STK31: variants seen among roughly 807,000 people sequenced by gnomAD.
The protein encoded by STK31 is serine/threonine kinase 31, also known as serine/threonine-protein kinase 31.
A neutral mutation model predicts 129.7 loss-of-function variants in STK31; 89 were observed. The ratio of observed to expected loss-of-function variants is 0.69; its 90% CI spans 0.58 to 0.82. The LOEUF is 0.82. STK31 is among the 40% of genes least tolerant of loss of function. The probability of loss-of-function intolerance (pLI) is 0.00; values close to 1 mark genes in which losing one functional copy is unlikely to be tolerated. For missense variants in STK31, 1,187 were observed against 1,176.4 expected (o/e 1.01, Z -0.13); for synonymous variants, 448 against 395.3 (o/e 1.13, Z -1.58).
intron 6 of STK31, among the ~76,000 whole-genome samples, 181 bp from the exon 7 acceptor site, chr7:23,735,357 A>G (rs960930817): frequency 2.6e-5 from 4 of 152,226 alleles, no homozygotes; most frequent in Non-Finnish European, 4.4e-5. Context: ...TGATTTTAGC[A>G]AGTGTGTAAT....
At chr7:23,725,372 CAAAA>C (rs57280021) in intron 4 of STK31, among the ~76,000 whole-genome samples, 1 of 57,760 alleles carries the variant, frequency 1.7e-5, no homozygotes, top group Non-Finnish European at 2.9e-5. Context: ...CCTGTTTCTA[CAAAA>C]AAAAAAAAAA....
intron 20 of STK31, among the ~76,000 whole-genome samples, chr7:23,787,260 G>A (rs1791341325): frequency 6.6e-6 from 1 of 152,202 alleles, no homozygotes; most frequent in African/African-American, 2.4e-5. Flanking sequence ...AAGTGCTTAA[G>A]TGGCAGCTTT....
intron 23 of STK31, among the ~76,000 whole-genome samples, chr7:23,816,563 T>G (rs1163749902): frequency 2.6e-5 from 4 of 152,240 alleles, no homozygotes; most frequent in African/African-American, 9.6e-5. Context: ...CTCACATGTT[T>G]GTTCATAGGA....
chr7:23,832,359 A>T lies in STK31; in HGVS notation c.3053A>T (p.Asp1018Val), dbSNP rs1392195131. Residue 1018 changes from aspartate to valine, a missense_variant, in exon 24 of 24, where the codon GAT becomes GTT. Asp to Val is a radical substitution (Grantham distance 152, BLOSUM62 -3). Around this residue, in one of 5 missense-constraint regions of STK31, gnomAD observed 975 missense variants for 934.9 expected, o/e 1.04. Transcript: ENST00000355870. ...ACAAGAAATGGTGAAGCCAACTTTG[A>T]TTGTTAAATTATTATTGTTGTTGTT... ...EKTRNGEANF[D>V]C 6.2e-7 allele frequency: 1 copy of T among 1,606,432 alleles called. No individual in the cohort carries two copies. Among genetic ancestry groups the T allele is most frequent in the African/African-American group, 1.3e-5 (1 of 74,266 alleles).
At chr7:23,810,673 A>C (rs1375001951) in intron 22 of STK31, among the ~76,000 whole-genome samples, 3 of 131,814 alleles carry the variant, frequency 2.3e-5, no homozygotes, top group African/African-American at 8.7e-5. Flanking sequence ...TATATAATAT[A>C]TATAAAATAG....
intron 22 of STK31, among the ~76,000 whole-genome samples, chr7:23,810,183 C>G (rs771054235): frequency 2.2e-4 from 33 of 152,012 alleles, no homozygotes; most frequent in Non-Finnish European, 4.1e-4. Context: ...TTTCTTTGCT[C>G]TAATGTCTAC....
intron 23 of STK31, among the ~76,000 whole-genome samples, chr7:23,822,737 A>G (rs1181590033): frequency 1.3e-5 from 2 of 151,926 alleles, no homozygotes; most frequent in African/African-American, 4.8e-5. Context: ...GTATCTCCTA[A>G]TGCTGTCCCT....
At chr7:23,787,097 C>A (rs1037454705) in intron 20 of STK31, among the ~76,000 whole-genome samples, 173 bp downstream of exon 20, 7 of 152,060 alleles carry the variant, frequency 4.6e-5, no homozygotes, top group Non-Finnish European at 7.4e-5. Flanking sequence ...TGAGAAAAAG[C>A]GTTAAAGGGA....
intron 4 of STK31, among the ~76,000 whole-genome samples, chr7:23,718,535 C>A (rs570313353): frequency 6.6e-6 from 1 of 152,118 alleles, no homozygotes; most frequent in East Asian, 1.9e-4. Context: ...GAGGTATAAC[C>A]CTCATTTTGA....
intron 23 of STK31, among the ~76,000 whole-genome samples, chr7:23,828,700 T>G (rs1294301569): frequency 6.6e-6 from 1 of 152,194 alleles, no homozygotes; most frequent in Non-Finnish European, 1.5e-5. Context: ...CTGGGAGCTG[T>G]AGACTGGAGC....
At chr7:23,757,353 G>A (rs1365561859) in intron 10 of STK31, among the ~76,000 whole-genome samples, 1 of 152,036 alleles carries the variant, frequency 6.6e-6, no homozygotes, top group Non-Finnish European at 1.5e-5. Context: ...GAGGACCCGC[G>A]CCCGCCGGCA....
Position 23,832,366 on chromosome 7 carries a change from AATT to A in STK31, c.*7_*9del, listed in dbSNP as rs767146412. ...ATGGTGAAGCCAACTTTGATTGTTA[AATT>A]ATTATTGTTGTTGTTGCAGAGGTTC... On this transcript the variant is annotated 3_prime_UTR_variant, in exon 24 of 24. Coordinates refer to ENST00000355870, the MANE Select transcript of STK31 (RefSeq NM_031414.5). 4.1e-5 allele frequency: 65 copies of A among 1,603,932 alleles called. No individual in the cohort carries two copies. The highest frequency in any genetic ancestry group is 4.5e-5 in the Non-Finnish European group (53 of 1,176,348).
At chr7:23,756,524 A>G (rs116515885) in intron 10 of STK31, among the ~76,000 whole-genome samples, 191 of 152,268 alleles carry the variant, frequency 1.3e-3, no homozygotes, top group African/African-American at 4.5e-3. Context: ...AGAACTTCCA[A>G]TACTGTGGTG....
At chr7:23,719,477 GATATAA>G (rs1786553069) in intron 4 of STK31, among the ~76,000 whole-genome samples, 1 of 152,030 alleles carries the variant, frequency 6.6e-6, no homozygotes, top group Non-Finnish European at 1.5e-5. Context: ...AAGTTTTCCA[GATATAA>G]ACATGTGGTC....
In STK31 at chr7:23,770,048, A is replaced by G. The variant is rs533232381; in HGVS notation, c.1713+292A>G. Among the ~76,000 whole-genome samples, 10 of 152,314 alleles carry G rather than the reference A, an allele frequency of 6.6e-5. No homozygotes were observed. In the South Asian group the frequency reaches 2.1e-3, roughly 32 times the overall value. On this transcript the variant is annotated intron_variant, in intron 13 of 23. Coordinates refer to ENST00000355870, the MANE Select transcript of STK31 (RefSeq NM_031414.5). ...TTAATTTGAGTGGACAATCTTGTCT[A>G]TATTTTGATTCTTGAATGCGTCATA... is the stretch of plus-strand genomic sequence containing the variant.
intron 8 of STK31, among the ~76,000 whole-genome samples, chr7:23,748,983 A>G (rs750314798): frequency 4.3e-4 from 66 of 152,304 alleles, no homozygotes; most frequent in South Asian, 8.3e-4. Flanking sequence ...ATTATATCCA[A>G]TTTATTGGTG....
intron 11 of STK31, among the ~76,000 whole-genome samples, chr7:23,766,297 C>T (rs1371109158): frequency 6.6e-6 from 1 of 152,162 alleles, no homozygotes; most frequent in African/African-American, 2.4e-5. Flanking sequence ...GAGTCTTGCT[C>T]TTTCACCCAG....
chr7:23,710,377 C>G, intron 1 of STK31, 42 bp downstream of exon 1: 1 of 1,613,184 alleles, frequency 6.2e-7, no homozygotes, highest in Non-Finnish European at 8.5e-7. Context: ...GTGGCCGCTT[C>G]AAGGACTATT....
intron 8 of STK31, among the ~76,000 whole-genome samples, chr7:23,748,481 A>T (rs970574921): frequency 2.0e-5 from 3 of 152,260 alleles, no homozygotes; most frequent in South Asian, 4.2e-4. Context: ...GGGTCCACTT[A>T]TATGTGGATA....
Sources: allele counts gnomAD v4.1 joint callset (sites outside exome capture counted in the v4.1 genomes callset), GRCh38; gene constraint gnomAD v4.1.1; regional missense constraint gnomAD v4.1.1; transcripts MANE v1.5; gene names NCBI Gene and HGNC (gene_info 2026-07-23, HGNC 2026-07-21).